CNTN4: variants seen among roughly 807,000 people sequenced by gnomAD.
The protein encoded by CNTN4 is contactin 4.
A neutral mutation model predicts 122.5 loss-of-function variants in CNTN4; 77 were observed. The observed-to-expected ratio is 0.63, with a 90% CI of 0.52 to 0.76. The LOEUF (loss-of-function observed/expected upper bound fraction) is 0.76. Among genes scored for constraint, CNTN4 ranks in the 30% least tolerant of loss-of-function variants. CNTN4 has a pLI of 0.00. For synonymous variants in CNTN4, 512 were observed against 447.0 expected (o/e 1.15, Z -1.83); for missense variants, 1,256 against 1,259.1 (o/e 1.00, Z 0.04).
Position 2,781,687 on chromosome 3 carries a change from G to A in CNTN4, c.358+35990G>A, listed in dbSNP as rs577016321. Among the ~76,000 whole-genome samples, 25 of 150,710 alleles carry A rather than the reference G, an allele frequency of 1.7e-4. No homozygotes were observed. The East Asian group carries it at 4.9e-3, about 29-fold the overall frequency. On this transcript the variant is annotated intron_variant, in intron 6 of 24. Transcript: ENST00000418658. ...CTCCAGAAAGGCAGGACAGCTCAAA[G>A]GTGGGGGGTGCTTCCAGGCTTTGGG... is the stretch of plus-strand genomic sequence containing the variant.
At chr3:2,550,064 A>T (rs1011387983) in intron 3 of CNTN4, among the ~76,000 whole-genome samples, 5 of 151,874 alleles carry the variant, frequency 3.3e-5, no homozygotes, top group Admixed American at 6.6e-5. Flanking sequence ...GTCATTTTTT[A>T]TTGTGCCTAT....
At chr3:2,626,556 G>C (rs535677862) in intron 4 of CNTN4, among the ~76,000 whole-genome samples, 2 of 151,410 alleles carry the variant, frequency 1.3e-5, no homozygotes, top group South Asian at 2.1e-4. Context: ...TGGGTAAAAA[G>C]GACTAAATAA....
chr3:2,369,603 A>G (rs1384180621), intron 3 of CNTN4, among the ~76,000 whole-genome samples: 1 of 152,112 alleles, frequency 6.6e-6, no homozygotes, highest in African/African-American at 2.4e-5. Flanking sequence ...TGGCTTTATC[A>G]TCAGGATTTG....
intron 4 of CNTN4, among the ~76,000 whole-genome samples, chr3:2,654,435 G>C (rs1230124484): frequency 6.6e-6 from 1 of 152,158 alleles, no homozygotes; most frequent in Non-Finnish European, 1.5e-5. Flanking sequence ...CCAGACATTT[G>C]AGTTTAATTA....
intron 2 of CNTN4, among the ~76,000 whole-genome samples, chr3:2,209,945 C>T (rs1031603294): frequency 3.9e-5 from 6 of 151,908 alleles, no homozygotes; most frequent in Non-Finnish European, 7.4e-5. Context: ...CATAAGTCCC[C>T]GAGAGCTTTA....
chr3:2,833,271 A>G (rs2093142194), intron 7 of CNTN4, among the ~76,000 whole-genome samples: 1 of 152,242 alleles, frequency 6.6e-6, no homozygotes, highest in South Asian at 2.1e-4. Context: ...ATGATGAGAA[A>G]TGGAAATATT....
chr3:2,634,615 G>C (rs911306395), intron 4 of CNTN4, among the ~76,000 whole-genome samples: 2 of 151,310 alleles, frequency 1.3e-5, no homozygotes, highest in Admixed American at 6.6e-5. Context: ...TGGGTCATGA[G>C]GTCAGGAGAT....
intron 3 of CNTN4, among the ~76,000 whole-genome samples, chr3:2,551,036 G>A (rs977296362): frequency 6.6e-6 from 1 of 152,012 alleles, no homozygotes; most frequent in African/African-American, 2.4e-5. Context: ...AACCATCATG[G>A]CACGTGTATA....
intron 2 of CNTN4, among the ~76,000 whole-genome samples, chr3:2,246,259 A>G (rs937413899): frequency 3.9e-5 from 6 of 152,056 alleles, no homozygotes; most frequent in African/African-American, 1.4e-4. Flanking sequence ...GCTGAGATAC[A>G]GTAAAGTGCA....
At chr3:2,555,457 A>T (rs1374902985) in intron 3 of CNTN4, among the ~76,000 whole-genome samples, 1 of 152,222 alleles carries the variant, frequency 6.6e-6, no homozygotes, top group Non-Finnish European at 1.5e-5. Flanking sequence ...TAGGGCATGG[A>T]TAGTAGCAAA....
intron 3 of CNTN4, among the ~76,000 whole-genome samples, chr3:2,439,399 CTTTAT>C (rs953973770): frequency 1.3e-5 from 2 of 152,066 alleles, no homozygotes; most frequent in African/African-American, 2.4e-5. Context: ...TGTCTTTTTA[CTTTAT>C]TTTATTTTTT....
chr3:2,757,596 C>T (rs1308144007), intron 6 of CNTN4, among the ~76,000 whole-genome samples: 4 of 152,292 alleles, frequency 2.6e-5, no homozygotes, highest in Admixed American at 6.5e-5. Flanking sequence ...GGCCAGCTTC[C>T]GTCCTCTTCG....
intron 2 of CNTN4, among the ~76,000 whole-genome samples, chr3:2,152,255 A>G (rs1172695140): frequency 1.3e-5 from 2 of 152,300 alleles, no homozygotes; most frequent in Admixed American, 6.5e-5. Context: ...GCCTCAAGAA[A>G]GCCTCTGTAA....
intron 4 of CNTN4, among the ~76,000 whole-genome samples, chr3:2,591,942 A>C (rs953032473): frequency 6.6e-6 from 1 of 151,998 alleles, no homozygotes; most frequent in African/African-American, 2.4e-5. Context: ...AAGTAGTGCA[A>C]TCATAGCTCA....
intron 3 of CNTN4, among the ~76,000 whole-genome samples, chr3:2,400,715 A>T (rs980256629): frequency 4.0e-5 from 6 of 151,132 alleles, no homozygotes; most frequent in Admixed American, 2.6e-4. Context: ...GAAGTGTTGT[A>T]CCTATAAGCA....
At chr3:2,560,893 C>G (rs6807550) in intron 3 of CNTN4, among the ~76,000 whole-genome samples, 15,607 of 152,166 alleles carry the variant, frequency 0.1, 1,878 homozygotes, top group East Asian at 0.58. Flanking sequence ...TTATTTAACA[C>G]CCTACTTTGG....
At chr3:2,178,751 G>C (rs1440391216) in intron 2 of CNTN4, among the ~76,000 whole-genome samples, 1 of 151,846 alleles carries the variant, frequency 6.6e-6, no homozygotes, top group African/African-American at 2.4e-5. Flanking sequence ...TTGGGGGGTA[G>C]GTATTCTGTT....
intron 4 of CNTN4, among the ~76,000 whole-genome samples, chr3:2,631,088 G>C (rs2082410784): frequency 6.6e-6 from 1 of 152,108 alleles, no homozygotes; most frequent in African/African-American, 2.4e-5. Flanking sequence ...TCTTAACAAT[G>C]TTTTCTAAGA....
intron 4 of CNTN4, among the ~76,000 whole-genome samples, chr3:2,686,720 TG>T (rs1413339274): frequency 1.3e-5 from 2 of 152,182 alleles, no homozygotes; most frequent in African/African-American, 4.8e-5. Context: ...TCACTAAAGC[TG>T]TAGTACCCCA....
Sources: gnomAD v4.1 joint callset for allele counts (sites outside exome capture counted in the v4.1 genomes callset) on GRCh38, gnomAD v4.1.1 for gene constraint, MANE v1.5 for transcripts, NCBI Gene and HGNC (gene_info 2026-07-23, HGNC 2026-07-21) for gene names.